KDM7A: variants seen among roughly 807,000 people sequenced by gnomAD.
KDM7A encodes the protein lysine demethylase 7A.
KDM7A carries 28 observed loss-of-function variants against 114.8 expected under a neutral mutation model. The observed-to-expected ratio is 0.24, with a 90% CI of 0.18 to 0.33. The LOEUF is 0.33. Ranked by LOEUF, KDM7A falls within the 10% of genes least tolerant of loss-of-function variation. KDM7A has a pLI of 1.00. For synonymous variants in KDM7A, 423 were observed against 397.8 expected, an observed-to-expected ratio of 1.06 and a Z score of -0.75; for missense variants, 942 against 1,142.5, an observed-to-expected ratio of 0.82 and a Z score of 2.53.
chr7:140,168,445 A>G (rs1368474560), intron 1 of KDM7A, among the ~76,000 whole-genome samples: 2 of 152,014 alleles, frequency 1.3e-5, no homozygotes, highest in African/African-American at 2.4e-5. Flanking sequence ...GCACATGCCT[A>G]TAATCCCAGC....
Position 140,176,668 on chromosome 7 carries a change from C to CGCGG in KDM7A, c.194+72_194+75dup, listed in dbSNP as rs1794713940. 4 of 1,001,204 alleles carry CGCGG rather than the reference C, an allele frequency of 4.0e-6. No individual in the cohort carries two copies. The highest frequency in any genetic ancestry group is 4.8e-6 in the Non-Finnish European group (4 of 829,726). 62.0% of individuals were successfully genotyped at this position (1,001,204 alleles called of 1,614,324 possible). On this transcript the variant is annotated intron_variant, in intron 1 of 19. Coordinates refer to ENST00000397560, the MANE Select transcript of KDM7A (RefSeq NM_030647.2). This position sits in a 1 kb window ranked among gnomAD's most constrained non-coding sequence, Gnocchi z 4.4. ...GCGCGGCGGCCCGGCCCGAGGGAGGCGCGGGCGGCCGGCGGCGGCGGCGGT... is the reference window on the plus strand; with the variant it reads ...GCGCGGCGGCCCGGCCCGAGGGAGGCGCGGGCGGGCGGCCGGCGGCGGCGGCGGT...
chr7:140,092,172 A>C, intron 18 of KDM7A, 95 bp from the exon 19 acceptor site: 1 of 1,141,236 alleles, frequency 8.8e-7, no homozygotes, highest in Non-Finnish European at 1.3e-6. Context: ...GAGAGAAGAA[A>C]CAAACTACTG....
intron 14 of KDM7A, among the ~76,000 whole-genome samples, chr7:140,098,559 T>A (rs893901512): frequency 1.3e-5 from 2 of 152,170 alleles, no homozygotes; most frequent in African/African-American, 4.8e-5. Context: ...TAAACGAAAC[T>A]TGAAACTTTT....
At chr7:140,116,272 G>GTGTGTA (rs1554397338) in intron 9 of KDM7A, among the ~76,000 whole-genome samples, 1 of 151,534 alleles carries the variant, frequency 6.6e-6, no homozygotes. Flanking sequence ...GTGTGTGTGT[G>GTGTGTA]TATATCATAG....
At chr7:140,097,217 A>T (rs578170999) in intron 15 of KDM7A, among the ~76,000 whole-genome samples, 170 bp from the exon 16 acceptor site, 2 of 152,366 alleles carry the variant, frequency 1.3e-5, no homozygotes, top group East Asian at 3.9e-4. Flanking sequence ...CTACATGAAC[A>T]TACTACCTTG....
intron 1 of KDM7A, among the ~76,000 whole-genome samples, chr7:140,159,124 C>T (rs888485082): frequency 1.3e-5 from 2 of 152,154 alleles, no homozygotes; most frequent in African/African-American, 2.4e-5. Flanking sequence ...GTGGACAGAT[C>T]ACTTGAGGTC....
At chr7:140,130,241 T>A (rs765138921) in intron 3 of KDM7A, among the ~76,000 whole-genome samples, 8 of 152,084 alleles carry the variant, frequency 5.3e-5, no homozygotes, top group Admixed American at 1.3e-4. Flanking sequence ...ACGGTTAGAT[T>A]TAAGTTAAGT....
Position 140,126,794 on chromosome 7 carries a change from A to G in KDM7A, c.731T>C (p.Ile244Thr), listed in dbSNP as rs182952796. ...KMSELVEVPD[I>T]AKKLSWVENY... Reference sequence around the variant, plus strand: ...TTCCACCCAGGAAAGTTTTTTGGCTATATCAGGGACCTCCACCAATTCAGA... The same window carrying G: ...TTCCACCCAGGAAAGTTTTTTGGCTGTATCAGGGACCTCCACCAATTCAGA... The change falls in exon 6 of 20, where the codon ATA becomes ACA. Residue 244 changes from isoleucine (I) to threonine (T), a missense_variant. Coordinates refer to ENST00000397560, the MANE Select transcript of KDM7A (RefSeq NM_030647.2). 476 of 1,613,972 alleles carry G rather than the reference A, an allele frequency of 2.9e-4. No homozygotes were observed. The highest frequency in any genetic ancestry group is 2.1e-4 in the Non-Finnish European group (248 of 1,179,884).
In KDM7A at chr7:140,159,135, G is replaced by A. The variant is rs372031824; in HGVS notation, c.194+17609C>T. Among the ~76,000 whole-genome samples, 44 of 152,192 alleles carry A rather than the reference G, an allele frequency of 2.9e-4. No homozygotes were observed. The South Asian group carries it at 7.9e-3, about 27-fold the overall frequency. On this transcript the variant is annotated intron_variant, in intron 1 of 19. Transcript: ENST00000397560. ...CAAGGTGGACAGATCACTTGAGGTC[G>A]GGAGTTTAAGACCAGCCTGGCCAAC...
At chr7:140,169,300 A>C (rs1794612905) in intron 1 of KDM7A, among the ~76,000 whole-genome samples, 1 of 152,198 alleles carries the variant, frequency 6.6e-6, no homozygotes, top group Admixed American at 6.5e-5. Flanking sequence ...GGCTGTTCAA[A>C]GGCTGCACAA....
chr7:140,173,149 C>T (rs575597486), intron 1 of KDM7A, among the ~76,000 whole-genome samples: 8 of 152,174 alleles, frequency 5.3e-5, no homozygotes, highest in African/African-American at 9.6e-5. Context: ...TCAGGAAAGA[C>T]GTTTATAGTG....
In KDM7A at chr7:140,085,359, G is replaced by C. The variant is rs1416701850; in HGVS notation, c.*5735C>G. 2 of 152,086 alleles carry C rather than the reference G, an allele frequency of 1.3e-5. No individual in the cohort carries two copies. The highest frequency in any genetic ancestry group is 2.9e-5 in the Non-Finnish European group (2 of 68,010). 9.4% of individuals were successfully genotyped at this position (152,086 alleles called of 1,614,324 possible). A position where few individuals can be genotyped will look rare whatever the true frequency, so the allele number is the denominator to read the frequency against. On this transcript the variant is annotated 3_prime_UTR_variant, in exon 20 of 20. Transcript: ENST00000397560. ...TCCCCTCTCCAAAGTTCACAGATTT[G>C]AAACCTCTAAAACCAATACTACCCC... is the stretch of plus-strand genomic sequence containing the variant.
Position 140,086,907 on chromosome 7 carries a change from A to G in KDM7A, c.*4187T>C, listed in dbSNP as rs1817937305. ...CTCTTTATGTGGCGAGCAATTAACA[A>G]TATTTAATGAGAAAAATGAATTTTT... On this transcript the variant is annotated 3_prime_UTR_variant, in exon 20 of 20. Transcript: ENST00000397560. 6.6e-6 allele frequency: 1 copy of G among 152,208 alleles called. No homozygotes were observed. The highest frequency in any genetic ancestry group is 1.5e-5 in the Non-Finnish European group (1 of 68,042). The allele number at this position is 152,208 out of a possible 1,614,324, so 9.4% of individuals were successfully genotyped here. A position where few individuals can be genotyped will look rare whatever the true frequency, so the allele number is the denominator to read the frequency against.
At chr7:140,121,081 G>C in intron 7 of KDM7A, among the ~76,000 whole-genome samples, 1 of 152,258 alleles carries the variant, frequency 6.6e-6, no homozygotes, top group East Asian at 1.9e-4. Context: ...GCCCCGAAAG[G>C]ACTAAGCAGA....
chr7:140,100,662 A>G (rs1417027823), intron 12 of KDM7A, among the ~76,000 whole-genome samples: 1 of 34,564 alleles, frequency 2.9e-5, no homozygotes, highest in African/African-American at 1.2e-4. Context: ...TTAAAAAGTT[A>G]TATATATATA....
intron 10 of KDM7A, among the ~76,000 whole-genome samples, chr7:140,111,908 A>G (rs1018982): frequency 0.63 from 95,262 of 151,126 alleles, 31,056 homozygotes; most frequent in African/African-American, 0.81. Flanking sequence ...TTGTGCCACT[A>G]CACTCTAGTC....
At chr7:140,138,343 C>T (rs1228948947) in intron 2 of KDM7A, among the ~76,000 whole-genome samples, 1 of 152,024 alleles carries the variant, frequency 6.6e-6, no homozygotes, top group East Asian at 1.9e-4. Flanking sequence ...ATAATCCAAG[C>T]CTTTTTCTCT....
chr7:140,095,155 A>C (rs1818085514), intron 17 of KDM7A, among the ~76,000 whole-genome samples: 1 of 152,226 alleles, frequency 6.6e-6, no homozygotes, highest in East Asian at 1.9e-4. Context: ...GTGATCTAGA[A>C]TCAAATTCCA....
In KDM7A at chr7:140,089,153, A is replaced by G. The variant is rs1817979938; in HGVS notation, c.*1941T>C. Reference sequence around the variant, plus strand: ...CCCAGATTTTTGACATCCTGAGATAAGATGACTCTACCCATCTTTCCACTG... The same window carrying G: ...CCCAGATTTTTGACATCCTGAGATAGGATGACTCTACCCATCTTTCCACTG... On this transcript the variant is annotated 3_prime_UTR_variant, in exon 20 of 20. Coordinates refer to ENST00000397560, the MANE Select transcript of KDM7A (RefSeq NM_030647.2). 1 of 152,182 alleles carries G rather than the reference A, an allele frequency of 6.6e-6. No individual in the cohort carries two copies. Among genetic ancestry groups the G allele is most frequent in the East Asian group, 1.9e-4 (1 of 5,192 alleles). The allele number at this position is 152,182 out of a possible 1,614,324, so 9.4% of individuals were successfully genotyped here.
Sources: allele counts gnomAD v4.1 joint callset (sites outside exome capture counted in the v4.1 genomes callset), GRCh38; gene constraint gnomAD v4.1.1; non-coding constraint Gnocchi (gnomAD v3.1); transcripts MANE v1.5; gene names NCBI Gene and HGNC (gene_info 2026-07-23, HGNC 2026-07-21).